The following PRM2 variants were observed in gnomAD, a reference collection of about 807,000 sequenced individuals.
The protein encoded by PRM2 is protamine-2.
PRM2 carries 6 observed loss-of-function variants against 10.7 expected under a neutral mutation model. That is an observed-to-expected ratio of 0.56 (90% confidence interval 0.31 to 1.11). The LOEUF (loss-of-function observed/expected upper bound fraction) is 1.11, where lower values mean the gene tolerates loss of function less well. Among genes scored for constraint, PRM2 ranks in the 50% least tolerant of loss-of-function variants. The pLI is 0.06. For synonymous variants in PRM2, 64 were observed against 54.8 expected (o/e 1.17, Z -0.74); for missense variants, 194 against 147.7 (o/e 1.31, Z -1.62).
rs1308661865 is a variant in PRM2 at position 11,276,290 on chromosome 16, T to C, written c.81A>G (p.Gly27=). The change falls in exon 1 of 2, where the codon GGA becomes GGG. Residue 27 remains glycine, a synonymous_variant. Transcript: ENST00000241808. ...GCCCTTGCTCCTCTTGGCCGTGGTG[T>C]CCTTGCTCTTGCCCATGCAACTGCT... The part of the protein sequence containing the change: ...YRQQLHGQEQ[G]HHGQEEQGLS... 2 of 1,614,262 alleles carry C rather than the reference T, an allele frequency of 1.2e-6. No homozygotes were observed. Among genetic ancestry groups the C allele is most frequent in the East Asian group, 2.2e-5 (1 of 44,890 alleles).
rs1255249906 is a variant in PRM2 at position 11,275,748 on chromosome 16, T to C, written c.*152A>G. ...AGCATTTGATGTAGGGGAGTTGCTA[T>C]GGCCTCACTCGGTGTTTCTTGGGCA... On this transcript the variant is annotated 3_prime_UTR_variant, in exon 2 of 2. Transcript: ENST00000241808. 1.3e-6 allele frequency: 2 copies of C among 1,529,760 alleles called. No individual in the cohort carries two copies. Among genetic ancestry groups the C allele is most frequent in the Admixed American group, 2.0e-5 (1 of 50,832 alleles). 94.8% of individuals were successfully genotyped at this position (1,529,760 alleles called of 1,614,324 possible). A position where few individuals can be genotyped will look rare whatever the true frequency, so the allele number is the denominator to read the frequency against.
chr16:11,276,398 GC>G lies in PRM2; in HGVS notation c.-29del. On this transcript the variant is annotated 5_prime_UTR_variant, in exon 1 of 2. Coordinates refer to ENST00000241808, the MANE Select transcript of PRM2 (RefSeq NM_002762.4). Reference sequence around the variant, plus strand: ...TGTTGGGAGATCTGGTGGCTCCTGGGCTGAGGCTGCAGTGGGCCCTGGAGTA... The same window carrying G: ...TGTTGGGAGATCTGGTGGCTCCTGGGTGAGGCTGCAGTGGGCCCTGGAGTA... The G allele has an allele frequency of 6.2e-7, 1 of 1,613,510 alleles. No individual in the cohort carries two copies. Among genetic ancestry groups the G allele is most frequent in the Non-Finnish European group, 8.5e-7 (1 of 1,179,758 alleles).
Position 11,276,471 on chromosome 16 carries a change from G to A in PRM2, c.-101C>T. ...CCCACCTGCCCTTGGTGTTACTGTT[G>A]GTCTGGTCTGCAAGGCTCCCCGGGA... On this transcript the variant is annotated 5_prime_UTR_variant, in exon 1 of 2. Coordinates refer to ENST00000241808, the MANE Select transcript of PRM2 (RefSeq NM_002762.4). 1.3e-6 allele frequency: 2 copies of A among 1,524,236 alleles called. No homozygotes were observed. Among genetic ancestry groups the A allele is most frequent in the South Asian group, 1.2e-5 (1 of 86,250 alleles). The allele number at this position is 1,524,236 out of a possible 1,614,324, so 94.4% of individuals were successfully genotyped here. A position where few individuals can be genotyped will look rare whatever the true frequency, so the allele number is the denominator to read the frequency against.
In PRM2 at chr16:11,275,859, T is replaced by C; in HGVS notation, c.*41A>G. The C allele has an allele frequency of 1.9e-6, 3 of 1,613,718 alleles. No homozygotes were observed. The highest frequency in any genetic ancestry group is 2.2e-5 in the East Asian group (1 of 44,890). ...GGCCTCACTTGGTGTTTCGGGCGAC[T>C]TTTTCTTAATTTCCAGCTGGGGGTG... is the stretch of plus-strand genomic sequence containing the variant. On this transcript the variant is annotated 3_prime_UTR_variant, in exon 2 of 2. Coordinates refer to ENST00000241808, the MANE Select transcript of PRM2 (RefSeq NM_002762.4).
chr16:11,276,355 C>G lies in PRM2; in HGVS notation c.16G>C (p.Val6Leu), dbSNP rs375376464. 1.2e-6 allele frequency: 2 copies of G among 1,614,090 alleles called. No homozygotes were observed. Among genetic ancestry groups the G allele is most frequent in the Non-Finnish European group, 8.5e-7 (1 of 1,180,028 alleles). MVRYRVRSLSERSHEV... is the reference protein window; with the variant it reads MVRYRLRSLSERSHEV... ...TGCGAGCGTTCGCTCAGGCTCCTCA[C>G]GCGGTATCGGACCATGGTGTTGGGA... Residue 6 changes from valine (V) to leucine (L), a missense_variant, in exon 1 of 2, where the codon GTG (valine) becomes CTG (leucine). Val to Leu is a conservative substitution (Grantham distance 32). Coordinates refer to ENST00000241808, the MANE Select transcript of PRM2 (RefSeq NM_002762.4).
rs1405632891 is a variant in PRM2 at position 11,276,343 on chromosome 16, T to G, written c.28A>C (p.Ser10Arg). Residue 10 changes from serine to arginine, a missense_variant, in exon 1 of 2, where the codon AGC (serine) becomes CGC (arginine). Coordinates refer to ENST00000241808, the MANE Select transcript of PRM2 (RefSeq NM_002762.4). ...CTGTACACCTCGTGCGAGCGTTCGC[T>G]CAGGCTCCTCACGCGGTATCGGACC... Reference protein sequence around the residue: MVRYRVRSLSERSHEVYRQQ... With the variant: MVRYRVRSLRERSHEVYRQQ... 8 of 1,614,114 alleles carry G rather than the reference T, an allele frequency of 5.0e-6. No homozygotes were observed. Among genetic ancestry groups the G allele is most frequent in the African/African-American group, 1.3e-5 (1 of 74,936 alleles).
In PRM2 at chr16:11,276,106, G is replaced by C; in HGVS notation, c.265C>G (p.Arg89Gly). ...GGCGGGGGCGCAGGCAGACCTCTGC[G>C]ATGCCTCCTCCGGTGCCTGCAGGAG... ...RRSCRHRRRH[R>G]RGCRTRKRTC... The change falls in exon 1 of 2, where the codon CGC becomes GGC. Residue 89 changes from arginine to glycine, a missense_variant. Coordinates refer to ENST00000241808, the MANE Select transcript of PRM2 (RefSeq NM_002762.4). 6.2e-7 allele frequency: 1 copy of C among 1,611,174 alleles called. No homozygotes were observed. Among genetic ancestry groups the C allele is most frequent in the Non-Finnish European group, 8.5e-7 (1 of 1,179,852 alleles).
rs2069869118 is a variant in PRM2 at position 11,276,275 on chromosome 16, C to T, written c.96G>A (p.Glu32=). The T allele has an allele frequency of 6.2e-7, 1 of 1,614,280 alleles. No individual in the cohort carries two copies. The highest frequency in any genetic ancestry group is 8.5e-7 in the Non-Finnish European group (1 of 1,180,046). The change falls in exon 1 of 2, where the codon GAG becomes GAA. Residue 32 remains glutamate (E), a synonymous_variant. Transcript: ENST00000241808. Reference sequence around the variant, plus strand: ...CGTGCTCCGGGCTCAGCCCTTGCTCCTCTTGGCCGTGGTGTCCTTGCTCTT... The same window carrying T: ...CGTGCTCCGGGCTCAGCCCTTGCTCTTCTTGGCCGTGGTGTCCTTGCTCTT... ...HGQEQGHHGQ[E]EQGLSPEHVE...
In PRM2 at chr16:11,276,296, C is replaced by G; in HGVS notation, c.75G>C (p.Glu25Asp). 3 of 1,614,266 alleles carry G rather than the reference C, an allele frequency of 1.9e-6. No homozygotes were observed. The highest frequency in any genetic ancestry group is 1.7e-6 in the Non-Finnish European group (2 of 1,180,046). The change falls in exon 1 of 2, where the codon GAG (glutamate) becomes GAC (aspartate). Residue 25 changes from glutamate to aspartate, a missense_variant. Glu to Asp is a conservative substitution (Grantham distance 45). Coordinates refer to ENST00000241808, the MANE Select transcript of PRM2 (RefSeq NM_002762.4). ...GCTCCTCTTGGCCGTGGTGTCCTTG[C>G]TCTTGCCCATGCAACTGCTGCCTGT... ...EVYRQQLHGQ[E>D]QGHHGQEEQG... is the part of the protein sequence containing the mutation.
Position 11,276,410 on chromosome 16 carries a change from G to T in PRM2, c.-40C>A, listed in dbSNP as rs767539056. On this transcript the variant is annotated 5_prime_UTR_variant, in exon 1 of 2. In the 5' UTR this introduces an upstream ATG that the reference lacks. Transcript: ENST00000241808. ...TGGTGGCTCCTGGGCTGAGGCTGCA[G>T]TGGGCCCTGGAGTAGGGGAGGAGGG... 6.2e-7 allele frequency: 1 copy of T among 1,612,568 alleles called. No homozygotes were observed. Among genetic ancestry groups the T allele is most frequent in the Non-Finnish European group, 8.5e-7 (1 of 1,179,320 alleles).
chr16:11,275,999 T>C, intron 1 of PRM2, 62 bp from the exon 2 acceptor site: 1 of 1,612,048 alleles, frequency 6.2e-7, no homozygotes, highest in Non-Finnish European at 8.5e-7. Context: ...GGGACGGGGG[T>C]TAGGGGGCTG....
Position 11,275,873 on chromosome 16 carries a change from CAGCTGGGGGTGAGGGGCCCAGGA to C in PRM2, c.*4_*26del. On this transcript the variant is annotated 3_prime_UTR_variant, in exon 2 of 2. Transcript: ENST00000241808. The stretch of plus-strand genomic sequence containing the variant: ...TTTCGGGCGACTTTTTCTTAATTTC[CAGCTGGGGGTGAGGGGCCCAGGA>C]AGCTTAGTGCCTTCTGCATGTTCTC... 3 of 1,613,928 alleles carry C rather than the reference CAGCTGGGGGTGAGGGGCCCAGGA, an allele frequency of 1.9e-6. No homozygotes were observed. Among genetic ancestry groups the C allele is most frequent in the Non-Finnish European group, 2.5e-6 (3 of 1,180,008 alleles).
chr16:11,276,454 C>A lies in PRM2; in HGVS notation c.-84G>T. ...AGGAGGGCGGAGGCCTGCCCACCTG[C>A]CCTTGGTGTTACTGTTGGTCTGGTC... On this transcript the variant is annotated 5_prime_UTR_variant, in exon 1 of 2. Coordinates refer to ENST00000241808, the MANE Select transcript of PRM2 (RefSeq NM_002762.4). 6.4e-7 allele frequency: 1 copy of A among 1,570,786 alleles called. No individual in the cohort carries two copies. Among genetic ancestry groups the A allele is most frequent in the Admixed American group, 1.8e-5 (1 of 54,948 alleles).
rs369592617 is a variant in PRM2 at position 11,276,188 on chromosome 16, C to T, written c.183G>A (p.Arg61=). 6 of 1,614,040 alleles carry T rather than the reference C, an allele frequency of 3.7e-6. No homozygotes were observed. The African/African-American group carries it at 8.0e-5, about 22-fold the overall frequency. Residue 61 remains arginine, a synonymous_variant, in exon 1 of 2, where the codon AGG becomes AGA. Coordinates refer to ENST00000241808, the MANE Select transcript of PRM2 (RefSeq NM_002762.4). The part of the protein sequence containing the change: ...SHYRRRHCSR[R]RLHRIHRRQH... Reference sequence around the variant, plus strand: ...GCCGCCTGTGGATCCGGTGCAGCCTCCTTCGAGAGCAGTGTCTGCGCCTAT... The same window carrying T: ...GCCGCCTGTGGATCCGGTGCAGCCTTCTTCGAGAGCAGTGTCTGCGCCTAT...
At chr16:11,275,961 T>C (rs1366772904) in intron 1 of PRM2, 24 bp from the exon 2 acceptor site, 1 of 1,612,144 alleles carries the variant, frequency 6.2e-7, no homozygotes, top group Non-Finnish European at 8.5e-7. Context: ...AAGTTCTGGT[T>C]GAGGGGGTCA....
chr16:11,276,304 C>T lies in PRM2; in HGVS notation c.67G>A (p.Gly23Arg), dbSNP rs999678948. The T allele has an allele frequency of 8.7e-6, 14 of 1,614,160 alleles. No homozygotes were observed. The highest frequency in any genetic ancestry group is 1.2e-5 in the Non-Finnish European group (14 of 1,180,058). ...SHEVYRQQLHGQEQGHHGQEE... is the reference protein window; with the variant it reads ...SHEVYRQQLHRQEQGHHGQEE... ...TGGCCGTGGTGTCCTTGCTCTTGCC[C>T]ATGCAACTGCTGCCTGTACACCTCG... Residue 23 changes from glycine to arginine, a missense_variant, in exon 1 of 2, where the codon GGG (glycine) becomes AGG (arginine). By Grantham distance (125) the Gly-to-Arg change is moderately radical. Transcript: ENST00000241808.
chr16:11,275,890 C>T lies in PRM2; in HGVS notation c.*10G>A, dbSNP rs1453684753. 1.2e-5 allele frequency: 20 copies of T among 1,614,028 alleles called. No homozygotes were observed. Among genetic ancestry groups the T allele is most frequent in the Admixed American group, 1.7e-5 (1 of 60,024 alleles). On this transcript the variant is annotated 3_prime_UTR_variant, in exon 2 of 2. Transcript: ENST00000241808. ...TTAATTTCCAGCTGGGGGTGAGGGG[C>T]CCAGGAAGCTTAGTGCCTTCTGCAT...
In PRM2 at chr16:11,276,341, G is replaced by T. The variant is rs370727869; in HGVS notation, c.30C>A (p.Ser10Arg). Reference sequence around the variant, plus strand: ...GCCTGTACACCTCGTGCGAGCGTTCGCTCAGGCTCCTCACGCGGTATCGGA... The same window carrying T: ...GCCTGTACACCTCGTGCGAGCGTTCTCTCAGGCTCCTCACGCGGTATCGGA... MVRYRVRSL[S>R]ERSHEVYRQQ... Residue 10 changes from serine (S) to arginine (R), a missense_variant, in exon 1 of 2, where the codon AGC (serine) becomes AGA (arginine). Ser to Arg is a moderately radical substitution (Grantham distance 110, BLOSUM62 -1). Coordinates refer to ENST00000241808, the MANE Select transcript of PRM2 (RefSeq NM_002762.4). 9.3e-6 allele frequency: 15 copies of T among 1,614,102 alleles called. No homozygotes were observed. The East Asian group carries it at 1.1e-4, about 12-fold the overall frequency.
rs745937075 is a variant in PRM2 at position 11,276,176 on chromosome 16, C to G, written c.195G>C (p.Arg65=). ...AGGAGCGATGCTGCCGCCTGTGGAT[C>G]CGGTGCAGCCTCCTTCGAGAGCAGT... is the stretch of plus-strand genomic sequence containing the variant. The part of the protein sequence containing the change: ...RRHCSRRRLH[R]IHRRQHRSCR... The change falls in exon 1 of 2, where the codon CGG becomes CGC. Residue 65 remains arginine (R), a synonymous_variant. Coordinates refer to ENST00000241808, the MANE Select transcript of PRM2 (RefSeq NM_002762.4). 9.9e-6 allele frequency: 16 copies of G among 1,613,994 alleles called. No homozygotes were observed. Among genetic ancestry groups the G allele is most frequent in the South Asian group, 6.6e-5 (6 of 91,092 alleles).
Sources: gnomAD v4.1 joint callset for allele counts on GRCh38, gnomAD v4.1.1 for gene constraint, MANE v1.5 for transcripts, NCBI Gene and HGNC (gene_info 2026-07-23, HGNC 2026-07-21) for gene names.